CACNA2D2: variants seen among roughly 807,000 people sequenced by gnomAD.
CACNA2D2 encodes voltage-dependent calcium channel subunit alpha-2/delta-2.
CACNA2D2 carries 48 observed loss-of-function variants against 166.4 expected under a neutral mutation model. That is an observed-to-expected ratio of 0.29 (90% CI 0.23 to 0.37). The LOEUF (loss-of-function observed/expected upper bound fraction) is 0.37. Among genes scored for constraint, CACNA2D2 ranks in the 10% least tolerant of loss-of-function variants. CACNA2D2 has a pLI of 1.00. For missense variants in CACNA2D2, 1,122 were observed against 1,433.0 expected, an observed-to-expected ratio of 0.78 and a Z score of 3.50; for synonymous variants, 561 against 573.7, an observed-to-expected ratio of 0.98 and a Z score of 0.32.
At position 50,367,051 on chromosome 3, in the gene CACNA2D2, A is replaced by C. The variant is rs1468197105; in HGVS notation, c.2460T>G (p.Ala820=). ...NDTVGILVST[A]VELSLGRRTL... ...TGCGCCTGCCTAGGCTGAGCTCCACAGCTGTGCTGACGAGGATGCCCACAG... is the reference window on the plus strand; with the variant it reads ...TGCGCCTGCCTAGGCTGAGCTCCACCGCTGTGCTGACGAGGATGCCCACAG... Residue 820 remains alanine, a synonymous_variant, in exon 28 of 38, where the codon GCT becomes GCG. Transcript: ENST00000424201. The surrounding 1 kb of genome is among the most constrained non-coding windows in gnomAD (Gnocchi z 6.5). The C allele has an allele frequency of 6.2e-7, 1 of 1,613,644 alleles. No individual in the cohort carries two copies.
intron 1 of CACNA2D2, among the ~76,000 whole-genome samples, chr3:50,487,237 C>T (rs932445239): frequency 6.6e-6 from 1 of 152,232 alleles, no homozygotes; most frequent in African/African-American, 2.4e-5. Flanking sequence ...CAGGTAAGAG[C>T]CGCCCCTCGT....
chr3:50,491,495 C>A (rs1698518916), intron 1 of CACNA2D2, among the ~76,000 whole-genome samples: 1 of 152,208 alleles, frequency 6.6e-6, no homozygotes, highest in South Asian at 2.1e-4. Flanking sequence ...TCCCTCCCCT[C>A]AAGTTGCTCT....
At chr3:50,453,858 T>C (rs949345899) in intron 2 of CACNA2D2, among the ~76,000 whole-genome samples, 1 of 151,762 alleles carries the variant, frequency 6.6e-6, no homozygotes, top group Admixed American at 6.6e-5. Context: ...GGTAGGCTAA[T>C]GTGGAGGGGA....
At chr3:50,385,814 G>T (rs1705572166) in intron 5 of CACNA2D2, among the ~76,000 whole-genome samples, 1 of 152,234 alleles carries the variant, frequency 6.6e-6, no homozygotes, top group African/African-American at 2.4e-5. Flanking sequence ...TCCGCTCAGA[G>T]GAGGGGGAGG....
chr3:50,426,615 T>C (rs1477363865), intron 3 of CACNA2D2, among the ~76,000 whole-genome samples: 4 of 151,878 alleles, frequency 2.6e-5, no homozygotes, highest in African/African-American at 9.7e-5. Flanking sequence ...GCCTCAGGAG[T>C]GTTGCACACC....
chr3:50,423,994 T>C (rs1707691764), intron 3 of CACNA2D2, among the ~76,000 whole-genome samples: 2 of 152,336 alleles, frequency 1.3e-5, no homozygotes, highest in South Asian at 4.1e-4. Context: ...CCCAGAAGCA[T>C]CCCTCCCTGG....
chr3:50,376,127 T>C lies in CACNA2D2; in HGVS notation c.1688A>G (p.Asn563Ser), dbSNP rs1309104418. Residue 563 changes from asparagine to serine, a missense_variant, in exon 18 of 38, where the codon AAT (asparagine) becomes AGT (serine). By Grantham distance (46) the Asn-to-Ser change is conservative. Coordinates refer to ENST00000424201, the MANE Select transcript of CACNA2D2 (RefSeq NM_006030.4). The surrounding 1 kb of genome is among the most constrained non-coding windows in gnomAD (Gnocchi z 4.3). ...DLNGYVLLHPNLKPQTTNFRE... is the reference protein window; with the variant it reads ...DLNGYVLLHPSLKPQTTNFRE... ...CGTCTGGCTCACCTGGGGCTTGAGATTGGGGTGCAGCAACACGTAGCCGTT... is the reference window on the plus strand; with the variant it reads ...CGTCTGGCTCACCTGGGGCTTGAGACTGGGGTGCAGCAACACGTAGCCGTT... 3 of 1,613,304 alleles carry C rather than the reference T, an allele frequency of 1.9e-6. No homozygotes were observed. Among genetic ancestry groups the C allele is most frequent in the South Asian group, 1.1e-5 (1 of 91,086 alleles).
Position 50,365,047 on chromosome 3 carries a change from G to C in CACNA2D2, c.3208+28C>G, listed in dbSNP as rs753262964. 4 of 1,600,598 alleles carry C rather than the reference G, an allele frequency of 2.5e-6. No homozygotes were observed. Among genetic ancestry groups the C allele is most frequent in the Non-Finnish European group, 2.6e-6 (3 of 1,173,776 alleles). On this transcript the variant is annotated intron_variant, in intron 36 of 37. Transcript: ENST00000424201. The surrounding 1 kb of genome is among the most constrained non-coding windows in gnomAD (Gnocchi z 4.5). The stretch of plus-strand genomic sequence containing the variant: ...GGGCGCGCGGGGCAGAGGGGGAGCG[G>C]GCGGCGGGGAGGGCGGGGGCAGGAT...
Position 50,380,939 on chromosome 3 carries a change from G to A in CACNA2D2, c.784+56C>T, listed in dbSNP as rs755660549. On this transcript the variant is annotated intron_variant, in intron 7 of 37. Transcript: ENST00000424201. This position sits in a 1 kb window ranked among gnomAD's most constrained non-coding sequence, Gnocchi z 4.9. ...CCCATGCCCCCAGGATGGGTGGGCT[G>A]GTAGATGGAGAAAGGCGAGGTGCTG... The A allele has an allele frequency of 4.1e-5, 66 of 1,602,810 alleles. 1 individual carries two copies. The Middle Eastern group carries it at 6.7e-4, about 16-fold the overall frequency.
At chr3:50,432,300 A>G (rs1708109313) in intron 3 of CACNA2D2, among the ~76,000 whole-genome samples, 1 of 152,204 alleles carries the variant, frequency 6.6e-6, no homozygotes, top group African/African-American at 2.4e-5. Context: ...AGGGTGGGTC[A>G]GGCGTCTTGT....
intron 4 of CACNA2D2, among the ~76,000 whole-genome samples, chr3:50,393,333 A>G (rs578084910): frequency 1.3e-5 from 2 of 152,268 alleles, no homozygotes; most frequent in East Asian, 3.9e-4. Flanking sequence ...AGGACACAGG[A>G]GCCCTGCCAA....
chr3:50,388,827 A>AG (rs1705738053), intron 4 of CACNA2D2, among the ~76,000 whole-genome samples: 1 of 152,206 alleles, frequency 6.6e-6, no homozygotes, highest in African/African-American at 2.4e-5. Context: ...CCAGGGGTCT[A>AG]GGGGCTGCAG....
intron 5 of CACNA2D2, 43 bp from the exon 6 acceptor site, chr3:50,384,380 G>T: frequency 6.2e-7 from 1 of 1,606,722 alleles, no homozygotes; most frequent in Non-Finnish European, 8.5e-7. Context: ...GCTGGAAAAT[G>T]GTGAATTGGG....
Position 50,380,318 on chromosome 3 carries a change from T to C in CACNA2D2, c.843-300A>G, listed in dbSNP as rs1038541905. Among the ~76,000 whole-genome samples the C allele has an allele frequency of 5.3e-5, 8 of 152,108 alleles. No homozygotes were observed. The highest frequency in any genetic ancestry group is 1.7e-4 in the African/African-American group (7 of 41,402). On this transcript the variant is annotated intron_variant, in intron 8 of 37. Coordinates refer to ENST00000424201, the MANE Select transcript of CACNA2D2 (RefSeq NM_006030.4). This position sits in a 1 kb window ranked among gnomAD's most constrained non-coding sequence, Gnocchi z 4.9. Reference sequence around the variant, plus strand: ...GGCTTGTTGTGTCCTCTGCCTCAGGTTGGGGCCCCGAGGGCACAGTCTAGC... The same window carrying C: ...GGCTTGTTGTGTCCTCTGCCTCAGGCTGGGGCCCCGAGGGCACAGTCTAGC...
At chr3:50,454,137 C>T (rs1229714927) in intron 2 of CACNA2D2, among the ~76,000 whole-genome samples, 1 of 152,212 alleles carries the variant, frequency 6.6e-6, no homozygotes, top group Non-Finnish European at 1.5e-5. Flanking sequence ...TGATGGGCCA[C>T]ACAGGCGCAC....
At chr3:50,453,317 C>T (rs987789522) in intron 2 of CACNA2D2, among the ~76,000 whole-genome samples, 1 of 152,250 alleles carries the variant, frequency 6.6e-6, no homozygotes, top group Non-Finnish European at 1.5e-5. Context: ...TGCACATACA[C>T]TGCACAGCCT....
Position 50,379,135 on chromosome 3 carries a change from C to T in CACNA2D2, c.1217G>A (p.Arg406His), listed in dbSNP as rs752852530. The change falls in exon 12 of 38, where the codon CGC becomes CAC. Residue 406 changes from arginine (R) to histidine (H), a missense_variant. Arg to His is a conservative substitution (Grantham distance 29). Coordinates refer to ENST00000424201, the MANE Select transcript of CACNA2D2 (RefSeq NM_006030.4). The surrounding 1 kb of genome is among the most constrained non-coding windows in gnomAD (Gnocchi z 6.5). ...GTACTTCTCAAAGACGTCCTGCACG[C>T]GGTCCTCACCACCATCCGTGAACAT... ...IMMFTDGGED[R>H]VQDVFEKYNW... 5 of 1,614,014 alleles carry T rather than the reference C, an allele frequency of 3.1e-6. 1 individual carries two copies. The Middle Eastern group carries it at 4.9e-4, about 160-fold the overall frequency.
At chr3:50,373,807 G>A (rs965790642) in intron 22 of CACNA2D2, among the ~76,000 whole-genome samples, 2 of 120,790 alleles carry the variant, frequency 1.7e-5, no homozygotes, top group Admixed American at 8.1e-5. Flanking sequence ...GAAGTGAGAG[G>A]AGAAGGATGA....
intron 1 of CACNA2D2, among the ~76,000 whole-genome samples, chr3:50,479,702 C>T (rs1270104415): frequency 1.3e-5 from 2 of 148,190 alleles, no homozygotes; most frequent in Admixed American, 6.6e-5. Flanking sequence ...GGAAAGACAA[C>T]GGATGCATGG....
Sources: allele counts gnomAD v4.1 joint callset (sites outside exome capture counted in the v4.1 genomes callset), GRCh38; gene constraint gnomAD v4.1.1; non-coding constraint Gnocchi (gnomAD v3.1); transcripts MANE v1.5; gene names NCBI Gene and HGNC (gene_info 2026-07-23, HGNC 2026-07-21).